The following RIMS3 variants were observed in gnomAD, a reference collection of about 807,000 sequenced individuals.
The protein encoded by RIMS3 is regulating synaptic membrane exocytosis 3, also known as regulating synaptic membrane exocytosis protein 3.
RIMS3 carries 15 observed loss-of-function variants against 29.2 expected under a neutral mutation model. That is an observed-to-expected ratio of 0.51 (90% CI 0.34 to 0.79). The LOEUF is 0.79. Ranked by LOEUF, RIMS3 falls within the 30% of genes least tolerant of loss-of-function variation. The pLI, the probability that RIMS3 is intolerant of heterozygous loss-of-function variation, is 0.01. For missense variants in RIMS3, 342 were observed against 421.4 expected (o/e 0.81, Z 1.65); for synonymous variants, 161 against 170.1 (o/e 0.95, Z 0.41).
chr1:40,668,536 C>T (rs1642454623), upstream of RIMS3, among the ~76,000 whole-genome samples: 1 of 148,156 alleles, frequency 6.7e-6, no homozygotes. Context: ...GTGGAATAAC[C>T]AGCAAGTCTT....
Position 40,623,870 on chromosome 1 carries a change from G to C in RIMS3, c.*2647C>G, listed in dbSNP as rs920696161. ...AGCCTCACACAACTTTACCCTCATG[G>C]GGTAAAATCCAGGTGGGGATGAGTA... On this transcript the variant is annotated 3_prime_UTR_variant, in exon 8 of 8. Transcript: ENST00000372684. The C allele has an allele frequency of 8.2e-6, 2 of 243,148 alleles. No homozygotes were observed. The allele number at this position is 243,148 out of a possible 1,614,324, so 15.1% of individuals were successfully genotyped here.
upstream of RIMS3, among the ~76,000 whole-genome samples, chr1:40,670,587 T>C (rs1287856410): frequency 3.3e-5 from 4 of 121,754 alleles, no homozygotes; most frequent in Non-Finnish European, 5.0e-5. Flanking sequence ...TATATATATA[T>C]ATATATATAT....
chr1:40,653,555 A>G (rs149735704), intron 1 of RIMS3, among the ~76,000 whole-genome samples: 8 of 152,306 alleles, frequency 5.3e-5, no homozygotes, highest in African/African-American at 1.9e-4. Context: ...CAGAATTTGG[A>G]CTGAAAGAAA....
At chr1:40,689,837 C>G in the RIMS3 span, among the ~76,000 whole-genome samples, 10 of 152,192 alleles carry the variant, frequency 6.6e-5, no homozygotes, top group Non-Finnish European at 1.3e-4. Context: ...TGGTAAATAG[C>G]TGCTGTCCCA....
intron 1 of RIMS3, among the ~76,000 whole-genome samples, chr1:40,656,996 G>A (rs976154656): frequency 1.3e-5 from 2 of 152,172 alleles, no homozygotes; most frequent in African/African-American, 2.4e-5. Context: ...ACAGTGCCCC[G>A]CTAGTGCCCT....
intron 1 of RIMS3, among the ~76,000 whole-genome samples, chr1:40,652,075 C>T (rs1417527483): frequency 6.6e-6 from 1 of 152,128 alleles, no homozygotes; most frequent in African/African-American, 2.4e-5. Context: ...AAAGGGCCAG[C>T]CAGGGTACAC....
intron 1 of RIMS3, among the ~76,000 whole-genome samples, chr1:40,655,765 G>A (rs2148358391): frequency 6.6e-6 from 1 of 152,350 alleles, no homozygotes; most frequent in Non-Finnish European, 1.5e-5. Context: ...AATACTTTGG[G>A]AGTCTCAGGC....
At chr1:40,632,626 T>A (rs1646496833) in intron 5 of RIMS3, among the ~76,000 whole-genome samples, 1 of 151,498 alleles carries the variant, frequency 6.6e-6, no homozygotes. Flanking sequence ...CTCTGTGGAA[T>A]TTTTTTTCCC....
chr1:40,639,549 G>A (rs1224602997), intron 3 of RIMS3, among the ~76,000 whole-genome samples: 1 of 151,966 alleles, frequency 6.6e-6, no homozygotes, highest in Non-Finnish European at 1.5e-5. Context: ...ATGAAGCTGG[G>A]TGCCTTTGCA....
chr1:40,650,027 A>T (rs1302396517), intron 1 of RIMS3, among the ~76,000 whole-genome samples: 1 of 152,202 alleles, frequency 6.6e-6, no homozygotes, highest in Admixed American at 6.5e-5. Flanking sequence ...CCAGGGCCTC[A>T]GGGCACCACA....
intron 1 of RIMS3, among the ~76,000 whole-genome samples, chr1:40,661,799 ATGT>A: frequency 6.6e-6 from 1 of 152,294 alleles, no homozygotes; most frequent in Non-Finnish European, 1.5e-5. Flanking sequence ...CAGAGCTGGG[ATGT>A]GGGCACAGAG....
intron 2 of RIMS3, among the ~76,000 whole-genome samples, chr1:40,644,276 A>G (rs1646580106): frequency 6.6e-6 from 1 of 152,224 alleles, no homozygotes; most frequent in African/African-American, 2.4e-5. Flanking sequence ...GTTCTCTGTT[A>G]CCTCCAAAAG....
the RIMS3 span, among the ~76,000 whole-genome samples, chr1:40,676,251 CG>C: frequency 2.0e-5 from 3 of 152,154 alleles, no homozygotes; most frequent in African/African-American, 7.2e-5. Flanking sequence ...CTCTGAGCCT[CG>C]GTCTGACTAG....
chr1:40,666,029 T>G (rs1642421621), upstream of RIMS3, among the ~76,000 whole-genome samples: 3 of 152,302 alleles, frequency 2.0e-5, no homozygotes, highest in South Asian at 6.2e-4. Context: ...TGCCCTGCCC[T>G]GAAGCAGTTC....
At chr1:40,690,701 C>G in the RIMS3 span, 2 of 152,320 alleles carry the variant, frequency 1.3e-5, no homozygotes, top group East Asian at 3.9e-4. Flanking sequence ...TTCTCAATTA[C>G]TTTATCACCA....
intron 2 of RIMS3, among the ~76,000 whole-genome samples, chr1:40,647,039 C>A (rs113194987): frequency 0.014 from 2,098 of 152,218 alleles, 23 homozygotes; most frequent in Middle Eastern, 0.037. Context: ...CACTACCACG[C>A]CCAGCTAATT....
chr1:40,645,720 G>T (rs1384906431), intron 2 of RIMS3, among the ~76,000 whole-genome samples: 1 of 152,144 alleles, frequency 6.6e-6, no homozygotes, highest in Non-Finnish European at 1.5e-5. Flanking sequence ...CCCCCAGGGG[G>T]TGAAAAGGGA....
intron 1 of RIMS3, among the ~76,000 whole-genome samples, chr1:40,656,330 G>A (rs1253921648): frequency 6.6e-6 from 1 of 152,226 alleles, no homozygotes; most frequent in Non-Finnish European, 1.5e-5. Context: ...TGGAAAGCCA[G>A]TATCACTTTT....
At chr1:40,660,249 G>C (rs944442859) in intron 1 of RIMS3, among the ~76,000 whole-genome samples, 3 of 152,070 alleles carry the variant, frequency 2.0e-5, no homozygotes, top group Non-Finnish European at 2.9e-5. Context: ...GAGATGAACC[G>C]GGGACCTTAA....
Sources: allele counts gnomAD v4.1 joint callset (sites outside exome capture counted in the v4.1 genomes callset), GRCh38; gene constraint gnomAD v4.1.1; transcripts MANE v1.5; gene names NCBI Gene and HGNC (gene_info 2026-07-23, HGNC 2026-07-21).